The following TRDN variants were observed in gnomAD, a reference collection of about 807,000 sequenced individuals.
The protein encoded by TRDN is triadin, also known as triadin in skeletal muscle.
In TRDN, 161 loss-of-function variants were observed where a neutral mutation model predicts 149.7. The observed-to-expected ratio is 1.08, with a 90% confidence interval of 0.95 to 1.23. The LOEUF (loss-of-function observed/expected upper bound fraction) is 1.23. TRDN is among the 50% of genes most tolerant of loss of function. The pLI is 0.00. For missense variants in TRDN, 896 were observed against 823.5 expected, an observed-to-expected ratio of 1.09 and a Z score of -1.08; for synonymous variants, 294 against 250.5, an observed-to-expected ratio of 1.17 and a Z score of -1.64.
chr6:123,532,047 G>A (rs1231332329), intron 4 of TRDN, among the ~76,000 whole-genome samples: 1 of 151,948 alleles, frequency 6.6e-6, no homozygotes, highest in African/African-American at 2.4e-5. Context: ...AAACTTACAT[G>A]ATAACCAGAG....
At chr6:123,263,767 G>C (rs1427779214) in intron 33 of TRDN, among the ~76,000 whole-genome samples, 1 of 152,102 alleles carries the variant, frequency 6.6e-6, no homozygotes, top group East Asian at 1.9e-4. Flanking sequence ...GGAGGCTAGT[G>C]AAGCTGGTGA....
At chr6:123,477,372 A>G (rs1294291786) in intron 9 of TRDN, among the ~76,000 whole-genome samples, 7 of 147,414 alleles carry the variant, frequency 4.7e-5, no homozygotes, top group Non-Finnish European at 1.1e-4. Context: ...ACCATCTCAC[A>G]CCAGTTAGAA....
At chr6:123,435,585 G>A (rs1246739411) in intron 12 of TRDN, among the ~76,000 whole-genome samples, 1 of 148,760 alleles carries the variant, frequency 6.7e-6, no homozygotes, top group Non-Finnish European at 1.5e-5. Flanking sequence ...GAGTATTTGG[G>A]GGTTGAGGGA....
chr6:123,351,606 GA>G (rs1780465133), intron 21 of TRDN: 2 of 967,402 alleles, frequency 2.1e-6, no homozygotes, highest in East Asian at 1.1e-4. Flanking sequence ...TTACTTAACT[GA>G]ATTCTTAACC....
In TRDN at chr6:123,636,811, C is replaced by G; in HGVS notation, c.-36G>C. 1 of 1,610,988 alleles carries G rather than the reference C, an allele frequency of 6.2e-7. No individual in the cohort carries two copies. Among genetic ancestry groups the G allele is most frequent in the Non-Finnish European group, 8.5e-7 (1 of 1,178,078 alleles). The stretch of plus-strand genomic sequence containing the variant: ...AAAAGTAAAAGTCAGTTGAAAAGTT[C>G]CCGTCAAGTTGCACTTTGCAGAGTA... On this transcript the variant is annotated 5_prime_UTR_variant, in exon 1 of 41. Transcript: ENST00000334268.
Position 123,578,566 on chromosome 6 carries a change from T to A in TRDN, c.23-7434A>T, listed in dbSNP as rs181690879. ...TATTTCGCTCACTGTAGCCCTGTAG[T>A]ATGGTTTGAAGTTGAGTAATGTAAT... is the stretch of plus-strand genomic sequence containing the variant. On this transcript the variant is annotated intron_variant, in intron 1 of 40. Coordinates refer to ENST00000334268, the MANE Select transcript of TRDN (RefSeq NM_006073.4). 1.8e-3 allele frequency among the ~76,000 whole-genome samples: 267 copies of A among 152,278 alleles called. 1 individual carries two copies. The highest frequency in any genetic ancestry group is 2.3e-3 in the Non-Finnish European group (155 of 68,006).
chr6:123,228,222 A>C (rs1582745488), intron 38 of TRDN, among the ~76,000 whole-genome samples: 1 of 151,910 alleles, frequency 6.6e-6, no homozygotes, highest in Admixed American at 6.6e-5. Flanking sequence ...AAAATCAGAG[A>C]GATTCAATGT....
chr6:123,525,576 A>G (rs886857998), intron 5 of TRDN, among the ~76,000 whole-genome samples: 12 of 152,060 alleles, frequency 7.9e-5, no homozygotes, highest in African/African-American at 2.9e-4. Flanking sequence ...GGCTTGAAAA[A>G]TTACCTATTG....
chr6:123,530,281 T>TTCA (rs1314537250), intron 5 of TRDN, among the ~76,000 whole-genome samples: 31 of 151,906 alleles, frequency 2.0e-4, no homozygotes, highest in African/African-American at 7.0e-4. Flanking sequence ...TATTACACAT[T>TTCA]TTGAAGTTAC....
intron 19 of TRDN, among the ~76,000 whole-genome samples, chr6:123,373,370 G>T (rs998527144): frequency 1.3e-5 from 2 of 152,114 alleles, no homozygotes; most frequent in Non-Finnish European, 2.9e-5. Flanking sequence ...ATTATTGTGA[G>T]GCCTCCCTGG....
chr6:123,585,242 T>A (rs1401275394), intron 1 of TRDN, among the ~76,000 whole-genome samples: 1 of 151,498 alleles, frequency 6.6e-6, no homozygotes, highest in African/African-American at 2.4e-5. Flanking sequence ...GGGAAGCAGA[T>A]AATTTAGTTA....
chr6:123,601,722 T>G (rs1784289364), intron 1 of TRDN, among the ~76,000 whole-genome samples: 1 of 152,136 alleles, frequency 6.6e-6, no homozygotes, highest in Non-Finnish European at 1.5e-5. Context: ...CTACATGAAC[T>G]GGGGAACTCT....
chr6:123,472,560 C>A (rs375125753), intron 9 of TRDN, among the ~76,000 whole-genome samples: 1 of 152,340 alleles, frequency 6.6e-6, no homozygotes, highest in African/African-American at 2.4e-5. Context: ...CCGGGAAGCT[C>A]GAACTGGGTG....
chr6:123,433,269 C>T (rs1253090736), intron 12 of TRDN, among the ~76,000 whole-genome samples: 4 of 150,652 alleles, frequency 2.7e-5, no homozygotes, highest in Non-Finnish European at 5.9e-5. Flanking sequence ...GAGAGGCCTG[C>T]TCTAATAATC....
chr6:123,503,125 A>T (rs1778769915), intron 8 of TRDN: 1 of 985,242 alleles, frequency 1.0e-6, no homozygotes, highest in Admixed American at 6.2e-5. Context: ...TGTCACATTC[A>T]GAGCTTTCTA....
At chr6:123,570,646 A>G (rs1390443978) in intron 2 of TRDN, among the ~76,000 whole-genome samples, 1 of 152,200 alleles carries the variant, frequency 6.6e-6, no homozygotes, top group East Asian at 1.9e-4. Flanking sequence ...CAAGCTTTTT[A>G]ACTATTATCT....
intron 10 of TRDN, 35 bp from the exon 11 acceptor site, chr6:123,439,038 A>AAT: frequency 6.7e-7 from 1 of 1,502,654 alleles, no homozygotes; most frequent in Non-Finnish European, 8.9e-7. Context: ...CCTTTAGGGA[A>AAT]ATTTAGTATG....
At chr6:123,221,090 G>C (rs1222635683) in intron 40 of TRDN, among the ~76,000 whole-genome samples, 1 of 151,682 alleles carries the variant, frequency 6.6e-6, no homozygotes, top group East Asian at 1.9e-4. Flanking sequence ...GAGTTTCCAA[G>C]CAATTGAATT....
intron 24 of TRDN, 148 bp from the exon 25 acceptor site, chr6:123,279,230 G>T: frequency 6.2e-6 from 4 of 643,666 alleles, no homozygotes; most frequent in Non-Finnish European, 9.8e-6. Context: ...TATAGAATGT[G>T]TAACTTATGG....
Sources: allele counts gnomAD v4.1 joint callset (sites outside exome capture counted in the v4.1 genomes callset), GRCh38; gene constraint gnomAD v4.1.1; transcripts MANE v1.5; gene names NCBI Gene and HGNC (gene_info 2026-07-23, HGNC 2026-07-21).